NFKB1: variants seen among roughly 807,000 people sequenced by gnomAD.
The protein encoded by NFKB1 is nuclear factor kappa B subunit 1.
Under a neutral mutation model 105.1 loss-of-function variants are expected in NFKB1, and 9 were observed. That is an observed-to-expected ratio of 0.09 (90% CI 0.05 to 0.15). The LOEUF is 0.15. NFKB1 is among the 10% of genes least tolerant of loss of function. The pLI is 1.00. For missense variants in NFKB1, 830 were observed against 1,203.7 expected (o/e 0.69, Z 4.59); for synonymous variants, 440 against 442.2 (o/e 1.00, Z 0.06).
At chr4:102,579,106 T>G (rs1725109143) in intron 8 of NFKB1, 67 bp downstream of exon 8, 2 of 1,517,576 alleles carry the variant, frequency 1.3e-6, no homozygotes, top group Admixed American at 3.6e-5. Flanking sequence ...TGCCATTTAC[T>G]TGCTAGCTGA....
chr4:102,593,775 A>T (rs1426100938), intron 12 of NFKB1, among the ~76,000 whole-genome samples: 1 of 152,190 alleles, frequency 6.6e-6, no homozygotes, highest in Non-Finnish European at 1.5e-5. Flanking sequence ...AGTCATTAAG[A>T]AGAAAAAAAA....
At chr4:102,613,372 T>C in intron 22 of NFKB1, 53 bp from the exon 23 acceptor site, 3 of 1,586,868 alleles carry the variant, frequency 1.9e-6, no homozygotes, top group Non-Finnish European at 2.6e-6. Context: ...GCTTACAGCC[T>C]GCACTGGGAC....
intron 5 of NFKB1, among the ~76,000 whole-genome samples, chr4:102,551,348 G>A (rs1379753585): frequency 7.8e-6 from 1 of 127,458 alleles, no homozygotes; most frequent in Admixed American, 7.2e-5. Flanking sequence ...TTCTAAATTG[G>A]TGTGTGTGTG....
chr4:102,607,812 C>A, intron 19 of NFKB1, 61 bp downstream of exon 19: 1 of 1,420,422 alleles, frequency 7.0e-7, no homozygotes, highest in Non-Finnish European at 1.0e-6. Context: ...AACCCAACTT[C>A]AATAGAGCAG....
intron 16 of NFKB1, among the ~76,000 whole-genome samples, chr4:102,605,911 G>A (rs4648090): frequency 0.13 from 19,725 of 152,090 alleles, 1,417 homozygotes; most frequent in Middle Eastern, 0.21. Flanking sequence ...TTGTTAATTG[G>A]TTTCTATTGA....
chr4:102,557,492 G>A (rs943083651), intron 5 of NFKB1, among the ~76,000 whole-genome samples: 1 of 152,118 alleles, frequency 6.6e-6, no homozygotes, highest in Non-Finnish European at 1.5e-5. Flanking sequence ...GTGTACCCCT[G>A]CACTACTATC....
intron 6 of NFKB1, among the ~76,000 whole-genome samples, chr4:102,574,458 C>CCAGTGAT (rs139404314): frequency 0.022 from 3,404 of 152,186 alleles, 58 homozygotes; most frequent in African/African-American, 0.058. Flanking sequence ...GCTGAAGACT[C>CCAGTGAT]CAGTGATCTC....
At chr4:102,518,644 A>G (rs1193083677) in intron 1 of NFKB1, among the ~76,000 whole-genome samples, 1 of 152,080 alleles carries the variant, frequency 6.6e-6, no homozygotes, top group East Asian at 1.9e-4. Flanking sequence ...ACTTCTTCCA[A>G]TTCTGTGGGC....
intron 11 of NFKB1, 78 bp from the exon 12 acceptor site, chr4:102,593,347 G>T: frequency 1.6e-6 from 2 of 1,273,776 alleles, no homozygotes; most frequent in South Asian, 1.4e-5. Context: ...AATACCATTA[G>T]AATCAGTGGT....
At chr4:102,574,192 G>A (rs1724623369) in intron 6 of NFKB1, among the ~76,000 whole-genome samples, 1 of 149,506 alleles carries the variant, frequency 6.7e-6, no homozygotes, top group South Asian at 2.1e-4. Flanking sequence ...TTAAATTTGG[G>A]AACAGTTTGA....
At chr4:102,573,641 CTCT>C (rs1224745724) in intron 6 of NFKB1, among the ~76,000 whole-genome samples, 1 of 151,656 alleles carries the variant, frequency 6.6e-6, no homozygotes. Context: ...CTGTCCACTC[CTCT>C]TCATCTTCTT....
intron 16 of NFKB1, among the ~76,000 whole-genome samples, chr4:102,602,508 C>T (rs943089002): frequency 6.6e-6 from 1 of 150,508 alleles, no homozygotes; most frequent in Non-Finnish European, 1.5e-5. Context: ...CACTGCACTC[C>T]AGCCTGGGTG....
intron 5 of NFKB1, among the ~76,000 whole-genome samples, chr4:102,546,327 T>C (rs1053272983): frequency 2.6e-5 from 4 of 151,984 alleles, no homozygotes; most frequent in Non-Finnish European, 5.9e-5. Flanking sequence ...TTAGCTACAG[T>C]TTCCAGCATG....
intron 2 of NFKB1, among the ~76,000 whole-genome samples, chr4:102,529,372 G>C (rs1232584635): frequency 3.3e-5 from 5 of 152,196 alleles, no homozygotes; most frequent in African/African-American, 1.2e-4. Context: ...TTCAGGCCTT[G>C]ACATTGGATA....
At chr4:102,610,494 C>A (rs1369596779) in intron 19 of NFKB1, 81 bp from the exon 20 acceptor site, 1 of 1,510,694 alleles carries the variant, frequency 6.6e-7, no homozygotes, top group Non-Finnish European at 9.0e-7. Context: ...ATTGCTTTGC[C>A]TTTGGGAATC....
intron 5 of NFKB1, among the ~76,000 whole-genome samples, chr4:102,542,903 G>T (rs577157369): frequency 5.9e-5 from 9 of 152,308 alleles, no homozygotes; most frequent in African/African-American, 2.2e-4. Flanking sequence ...AAATCTAGGG[G>T]AAGTAAGTAT....
chr4:102,566,851 C>T, intron 5 of NFKB1, 136 bp from the exon 6 acceptor site: 1 of 784,638 alleles, frequency 1.3e-6, no homozygotes, highest in Non-Finnish European at 2.0e-6. Context: ...CTTTTAAAAA[C>T]AGGGCTGTAA....
intron 1 of NFKB1, among the ~76,000 whole-genome samples, chr4:102,512,280 A>T (rs977310486): frequency 2.0e-5 from 3 of 152,186 alleles, no homozygotes; most frequent in East Asian, 3.8e-4. Flanking sequence ...TAGAAGAGAG[A>T]GGTATAGTTC....
intron 11 of NFKB1, among the ~76,000 whole-genome samples, chr4:102,591,024 G>A (rs2149200376): frequency 6.6e-6 from 1 of 152,256 alleles, no homozygotes; most frequent in East Asian, 1.9e-4. Context: ...TGAGGAGGCT[G>A]CAGAAAAAAA....
Sources: allele counts gnomAD v4.1 joint callset (sites outside exome capture counted in the v4.1 genomes callset), GRCh38; gene constraint gnomAD v4.1.1; transcripts MANE v1.5; gene names NCBI Gene and HGNC (gene_info 2026-07-23, HGNC 2026-07-21).